Variants in CCDC33 observed in about 807,000 individuals in gnomAD.
CCDC33 encodes the protein coiled-coil domain containing 33, also known as coiled-coil domain-containing protein 33.
In CCDC33, 94 loss-of-function variants were observed where a neutral mutation model predicts 91.9. That is an observed-to-expected ratio of 1.02 (90% CI 0.87 to 1.21). The LOEUF is 1.21. CCDC33 is among the 50% of genes most tolerant of loss of function. CCDC33 has a pLI of 0.00. For synonymous variants in CCDC33, 396 were observed against 374.5 expected (o/e 1.06, Z -0.66); for missense variants, 940 against 935.5 (o/e 1.00, Z -0.06).
chr15:74,209,093 C>G (rs2074327483), intron 1 of CCDC33: 26 of 1,290,366 alleles, frequency 2.0e-5, no homozygotes, highest in Non-Finnish European at 2.4e-5. Flanking sequence ...CCTGCCCTCA[C>G]AGACCTCCCG....
At chr15:74,269,003 T>G (rs2076244672) in intron 5 of CCDC33, among the ~76,000 whole-genome samples, 1 of 152,248 alleles carries the variant, frequency 6.6e-6, no homozygotes, top group Non-Finnish European at 1.5e-5. Context: ...ATCCAGCAAC[T>G]GTTTACAGAG....
chr15:74,260,126 G>A (rs929708415), intron 2 of CCDC33, among the ~76,000 whole-genome samples: 12 of 152,248 alleles, frequency 7.9e-5, no homozygotes, highest in Non-Finnish European at 1.5e-4. Flanking sequence ...CTTTGCTGGG[G>A]CAGCTGTCAG....
chr15:74,277,342 G>T (rs74329782), intron 7 of CCDC33, among the ~76,000 whole-genome samples: 8,662 of 152,300 alleles, frequency 0.057, 358 homozygotes, highest in African/African-American at 0.12. Context: ...TCCAGATGGC[G>T]GCCACTATGC....
chr15:74,217,420 A>G, exon 1 of CCDC33: 1 of 1,289,866 alleles, frequency 7.8e-7, no homozygotes, highest in South Asian at 1.2e-5. Context: ...CTGTCAGCAG[A>G]GAACCCCCTG....
At chr15:74,271,857 G>GGCTGTCATT (rs2076327586) in intron 6 of CCDC33, 63 bp downstream of exon 6, 1 of 1,399,946 alleles carries the variant, frequency 7.1e-7, no homozygotes, top group Non-Finnish European at 1.0e-6. Context: ...GAGGGGGTGA[G>GGCTGTCATT]GCTGTCATTG....
rs1483503076 is a variant in CCDC33 at position 74,218,103 on chromosome 15, G to T, written c.311-394G>T. On this transcript the variant is annotated intron_variant, in intron 1 of 2. Transcript: ENST00000635913. The surrounding 1 kb of genome is among the most constrained non-coding windows in gnomAD (Gnocchi z 4.8). ...AGAAGGAAATCCATGCCTAGACTAAGGCCACCCTGGCAGGCTGCCTGGAGG... is the reference window on the plus strand; with the variant it reads ...AGAAGGAAATCCATGCCTAGACTAATGCCACCCTGGCAGGCTGCCTGGAGG... Among the ~76,000 whole-genome samples the T allele has an allele frequency of 2.0e-5, 3 of 152,126 alleles. No individual in the cohort carries two copies. The highest frequency in any genetic ancestry group is 4.4e-5 in the Non-Finnish European group (3 of 68,026).
chr15:74,284,951 C>T (rs530751744), intron 10 of CCDC33, among the ~76,000 whole-genome samples: 9 of 152,380 alleles, frequency 5.9e-5, no homozygotes, highest in Admixed American at 3.9e-4. Flanking sequence ...TCAAATATTG[C>T]ATAATGGGTC....
intron 7 of CCDC33, among the ~76,000 whole-genome samples, chr15:74,276,986 C>T (rs1376239670): frequency 2.6e-5 from 4 of 152,154 alleles, no homozygotes; most frequent in African/African-American, 9.7e-5. Flanking sequence ...GTCCCCTATC[C>T]TCCTGGATGA....
chr15:74,216,745 T>C (rs1446299838), upstream of CCDC33, among the ~76,000 whole-genome samples: 3 of 149,328 alleles, frequency 2.0e-5, no homozygotes, highest in East Asian at 6.1e-4. Context: ...CAAGAACTCT[T>C]GAGAAAGAAT....
chr15:74,259,973 C>T lies in CCDC33; in HGVS notation c.186-2467C>T, dbSNP rs143218436. ...TGACTTCTTCCTGACACACCCTTGG[C>T]GCTTCTGCTTTTCTGCTGTTTCTGT... On this transcript the variant is annotated intron_variant, in intron 2 of 18. Transcript: ENST00000398814. Among the ~76,000 whole-genome samples the T allele has an allele frequency of 1.6e-3, 243 of 152,370 alleles. 2 individuals are homozygous for T. Among genetic ancestry groups the T allele is most frequent in the African/African-American group, 5.5e-3 (228 of 41,582 alleles).
At chr15:74,275,509 A>G (rs1219198438) in intron 7 of CCDC33, among the ~76,000 whole-genome samples, 1 of 152,054 alleles carries the variant, frequency 6.6e-6, no homozygotes, top group Non-Finnish European at 1.5e-5. Flanking sequence ...CACCACATCA[A>G]CTCACGACAT....
rs759632710 is a variant in CCDC33, at chr15:74,244,969, T to C, written c.185+821T>C. Reference sequence around the variant, plus strand: ...GGCACCATTCAGTTCCTGCCAAGAGTCTGTTGCCCACATTTCCTTTTGGGG... The same window carrying C: ...GGCACCATTCAGTTCCTGCCAAGAGCCTGTTGCCCACATTTCCTTTTGGGG... On this transcript the variant is annotated intron_variant, in intron 2 of 18. Coordinates refer to ENST00000398814, the MANE Select transcript of CCDC33 (RefSeq NM_025055.5). This position sits in a 1 kb window ranked among gnomAD's most constrained non-coding sequence, Gnocchi z 4.2. Among the ~76,000 whole-genome samples, 1 of 151,702 alleles carries C rather than the reference T, an allele frequency of 6.6e-6. No individual in the cohort carries two copies. Among genetic ancestry groups the C allele is most frequent in the Non-Finnish European group, 1.5e-5 (1 of 67,900 alleles).
rs562692329 is a variant in CCDC33 at position 74,209,115 on chromosome 15, G to A, written n.90-273G>A. On this transcript the variant is annotated intron_variant and non_coding_transcript_variant, in intron 1 of 3. Coordinates refer to the CCDC33 transcript ENST00000558645. ...TCACAGACCTCCCGCCCTTGATTCC[G>A]GGATCAGAGGAACCCACCCCACCCC... The A allele has an allele frequency of 3.1e-5, 41 of 1,309,192 alleles. No individual in the cohort carries two copies. The East Asian group carries it at 6.3e-4, about 20-fold the overall frequency. The allele number at this position is 1,309,192 out of a possible 1,614,324, so 81.1% of individuals were successfully genotyped here.
chr15:74,251,977 AT>A (rs1328345286), intron 2 of CCDC33, among the ~76,000 whole-genome samples: 2 of 152,190 alleles, frequency 1.3e-5, no homozygotes, highest in South Asian at 4.1e-4. Flanking sequence ...CAGTCCTATA[AT>A]TGAGGTATAA....
chr15:74,265,256 TCAAGAGAAGCAGAGGGCA>T (rs2076136092), intron 3 of CCDC33, among the ~76,000 whole-genome samples: 1 of 152,116 alleles, frequency 6.6e-6, no homozygotes, highest in Non-Finnish European at 1.5e-5. Context: ...ACCCCTTGTC[TCAAGAGAAGCAGAGGGCA>T]AGGGTCTCCC....
intron 7 of CCDC33, among the ~76,000 whole-genome samples, chr15:74,274,861 A>G (rs1247886654): frequency 6.6e-6 from 1 of 152,212 alleles, no homozygotes; most frequent in Non-Finnish European, 1.5e-5. Context: ...ATGGCAGGAC[A>G]CCTGTTGAAC....
At chr15:74,270,464 G>A (rs1013359836) in intron 5 of CCDC33, among the ~76,000 whole-genome samples, 6 of 152,116 alleles carry the variant, frequency 3.9e-5, no homozygotes, top group Non-Finnish European at 8.8e-5. Flanking sequence ...GTGGGGTGTC[G>A]GGCAGGGAAT....
intron 2 of CCDC33, among the ~76,000 whole-genome samples, chr15:74,220,763 T>A (rs2074566918): frequency 6.6e-6 from 1 of 152,064 alleles, no homozygotes; most frequent in Non-Finnish European, 1.5e-5. Context: ...ATCGCTTCCC[T>A]GGGGGAGAGT....
chr15:74,323,201 A>G (rs1239779082), intron 11 of CCDC33, among the ~76,000 whole-genome samples: 1 of 152,108 alleles, frequency 6.6e-6, no homozygotes, highest in Non-Finnish European at 1.5e-5. Flanking sequence ...AGCACTGGCC[A>G]AGGTCACTTC....
Sources: gnomAD v4.1 joint callset for allele counts (sites outside exome capture counted in the v4.1 genomes callset) on GRCh38, gnomAD v4.1.1 for gene constraint, Gnocchi (gnomAD v3.1) non-coding constraint, MANE v1.5 for transcripts, NCBI Gene and HGNC (gene_info 2026-07-23, HGNC 2026-07-21) for gene names.